The following CNTNAP5 variants were observed in gnomAD, a reference collection of about 807,000 sequenced individuals.
CNTNAP5 encodes the protein contactin associated protein family member 5, also known as contactin-associated protein-like 5.
In CNTNAP5, 72 loss-of-function variants were observed where a neutral mutation model predicts 150.2. The ratio of observed to expected loss-of-function variants is 0.48; its 90% CI spans 0.40 to 0.58. The LOEUF (loss-of-function observed/expected upper bound fraction) is 0.58, where lower values mean the gene tolerates loss of function less well. CNTNAP5 is among the 20% of genes least tolerant of loss of function. The pLI is 0.00. For synonymous variants in CNTNAP5, 672 were observed against 619.8 expected (o/e 1.08, Z -1.25); for missense variants, 1,636 against 1,626.2 (o/e 1.01, Z -0.10).
At chr2:124,403,137 G>C (rs561498120) in intron 3 of CNTNAP5, among the ~76,000 whole-genome samples, 65 of 152,290 alleles carry the variant, frequency 4.3e-4, no homozygotes, top group South Asian at 4.1e-4. Context: ...CTTCTGGGGG[G>C]ACATCCCTTT....
chr2:124,730,216 T>C (rs1324689348), intron 13 of CNTNAP5, among the ~76,000 whole-genome samples: 1 of 152,012 alleles, frequency 6.6e-6, no homozygotes, highest in African/African-American at 2.4e-5. Context: ...AAATCTTAGG[T>C]AAAAAATGTG....
intron 3 of CNTNAP5, among the ~76,000 whole-genome samples, chr2:124,281,772 C>T (rs1573888605): frequency 1.3e-5 from 2 of 152,216 alleles, no homozygotes; most frequent in African/African-American, 2.4e-5. Context: ...TGACCGACTA[C>T]GGAAGCCGGA....
chr2:124,194,416 T>TAA lies in CNTNAP5; in HGVS notation c.83-27287_83-27286dup, dbSNP rs1311780244. ...ATATATATATATATATATATAAATATAAATAGGTGTGCTGTATGTTCAGGT... is the reference window on the plus strand; with the variant it reads ...ATATATATATATATATATATAAATATAAAAATAGGTGTGCTGTATGTTCAGGT... On this transcript the variant is annotated intron_variant, in intron 1 of 23. Coordinates refer to ENST00000682447, the MANE Select transcript of CNTNAP5 (RefSeq NM_001367498.1). Among the ~76,000 whole-genome samples, 15 of 67,362 alleles carry TAA rather than the reference T, an allele frequency of 2.2e-4. No homozygotes were observed. The East Asian group carries it at 4.2e-3, about 19-fold the overall frequency. The allele number at this position is 67,362 out of a possible 152,430, so 44.2% of individuals were successfully genotyped here. A position where few individuals can be genotyped will look rare whatever the true frequency, so the allele number is the denominator to read the frequency against.
chr2:124,618,809 G>A (rs947637140), intron 12 of CNTNAP5, among the ~76,000 whole-genome samples: 2 of 152,136 alleles, frequency 1.3e-5, no homozygotes, highest in Admixed American at 6.5e-5. Context: ...AAGGATGGTG[G>A]TGAGGGTAGG....
intron 11 of CNTNAP5, among the ~76,000 whole-genome samples, chr2:124,599,407 T>G (rs1358574099): frequency 6.6e-6 from 1 of 152,196 alleles, no homozygotes; most frequent in Non-Finnish European, 1.5e-5. Context: ...ATTTTTTGGA[T>G]TAAACATTCC....
In CNTNAP5 at chr2:124,527,384, T is replaced by C; in HGVS notation, c.1577T>C (p.Leu526Pro). 1 of 1,613,636 alleles carries C rather than the reference T, an allele frequency of 6.2e-7. No homozygotes were observed. The highest frequency in any genetic ancestry group is 8.5e-7 in the Non-Finnish European group (1 of 1,179,584). ...LIFIDNQPKD[L>P]ISVQQGSLGN... ...TTTATTGATAACCAGCCCAAGGACC[T>C]CATTTCAGTTCAGCAAGGTTCCCTG... is the stretch of plus-strand genomic sequence containing the variant. The change falls in exon 10 of 24, where the codon CTC becomes CCC. Residue 526 changes from leucine to proline, a missense_variant. Coordinates refer to ENST00000682447, the MANE Select transcript of CNTNAP5 (RefSeq NM_001367498.1).
chr2:124,243,824 AG>A lies in CNTNAP5; in HGVS notation c.381+1432del, dbSNP rs201933170. 2.9e-3 allele frequency among the ~76,000 whole-genome samples: 435 copies of A among 151,738 alleles called. 1 individual carries two copies. Among genetic ancestry groups the A allele is most frequent in the South Asian group, 0.025 (118 of 4,774 alleles). On this transcript the variant is annotated intron_variant, in intron 3 of 23. Transcript: ENST00000682447. ...TTGAACCTAAAATAAAAGTTGAAAAAGAAAAAAAATTGTATTTTGGGGACTA... is the reference window on the plus strand; with the variant it reads ...TTGAACCTAAAATAAAAGTTGAAAAAAAAAAAAATTGTATTTTGGGGACTA...
intron 3 of CNTNAP5, among the ~76,000 whole-genome samples, chr2:124,391,417 G>C (rs1416198619): frequency 6.6e-6 from 1 of 152,114 alleles, no homozygotes; most frequent in Non-Finnish European, 1.5e-5. Context: ...GTGATGTTTT[G>C]ACCTGTTCAT....
At chr2:124,599,708 T>C (rs886185304) in intron 11 of CNTNAP5, among the ~76,000 whole-genome samples, 2 of 152,180 alleles carry the variant, frequency 1.3e-5, no homozygotes, top group Admixed American at 6.5e-5. Flanking sequence ...ACAATCTTAC[T>C]CTATTATCTC....
At chr2:124,356,154 A>G (rs894432441) in intron 3 of CNTNAP5, among the ~76,000 whole-genome samples, 1 of 152,176 alleles carries the variant, frequency 6.6e-6, no homozygotes, top group Non-Finnish European at 1.5e-5. Context: ...CAAATCTTAT[A>G]AAAATATGAT....
At chr2:124,228,898 A>C (rs184920948) in intron 2 of CNTNAP5, among the ~76,000 whole-genome samples, 92 of 152,258 alleles carry the variant, frequency 6.0e-4, no homozygotes, top group Middle Eastern at 3.4e-3. Flanking sequence ...AAAGGATAGA[A>C]TGTCCTCAAT....
At chr2:124,651,586 T>G (rs1678323702) in intron 13 of CNTNAP5, among the ~76,000 whole-genome samples, 1 of 152,220 alleles carries the variant, frequency 6.6e-6, no homozygotes, top group Non-Finnish European at 1.5e-5. Flanking sequence ...GATCTAACTC[T>G]TGCAACCAAA....
At chr2:124,075,855 G>A (rs1378500254) in intron 1 of CNTNAP5, among the ~76,000 whole-genome samples, 1 of 152,082 alleles carries the variant, frequency 6.6e-6, no homozygotes, top group Non-Finnish European at 1.5e-5. Context: ...AGCAAAGTTT[G>A]TACTTTATGC....
At chr2:124,451,077 T>TATATATATATATATAC (rs755084840) in intron 6 of CNTNAP5, among the ~76,000 whole-genome samples, 1 of 61,534 alleles carries the variant, frequency 1.6e-5, no homozygotes, top group African/African-American at 7.2e-5. Flanking sequence ...TATATATATA[T>TATATATATATATATAC]ACACACACAC....
intron 10 of CNTNAP5, among the ~76,000 whole-genome samples, chr2:124,540,653 A>C (rs962134053): frequency 2.6e-5 from 4 of 151,306 alleles, no homozygotes; most frequent in African/African-American, 9.7e-5. Context: ...TGGATCAGGA[A>C]TCTGCTTTTT....
chr2:124,293,755 AC>A lies in CNTNAP5; in HGVS notation c.381+51364del, dbSNP rs1350617676. 7.2e-5 allele frequency among the ~76,000 whole-genome samples: 11 copies of A among 152,254 alleles called. No individual in the cohort carries two copies. The South Asian group carries it at 1.9e-3, about 26-fold the overall frequency. On this transcript the variant is annotated intron_variant, in intron 3 of 23. Coordinates refer to ENST00000682447, the MANE Select transcript of CNTNAP5 (RefSeq NM_001367498.1). ...CTGAAATGCATACACCGAGATAATC[AC>A]CATAATCCTCTACAATTGTCCTAGT...
At chr2:124,606,368 TA>T (rs10717686) in intron 11 of CNTNAP5, among the ~76,000 whole-genome samples, 26,555 of 148,904 alleles carry the variant, frequency 0.18, 3,948 homozygotes, top group African/African-American at 0.41. Flanking sequence ...CTTGTAAAAG[TA>T]AAAAAAAAAT....
chr2:124,177,643 A>G (rs1025307860), intron 1 of CNTNAP5, among the ~76,000 whole-genome samples: 1 of 152,280 alleles, frequency 6.6e-6, no homozygotes, highest in East Asian at 1.9e-4. Context: ...CATGTTTTAG[A>G]TATTTTTAAT....
At chr2:124,706,170 C>T (rs77791189) in intron 13 of CNTNAP5, among the ~76,000 whole-genome samples, 3,656 of 152,132 alleles carry the variant, frequency 0.024, 64 homozygotes, top group Middle Eastern at 0.041. Context: ...ACCCAAAAGA[C>T]GAGTGTTCCC....
Sources: allele counts gnomAD v4.1 joint callset (sites outside exome capture counted in the v4.1 genomes callset), GRCh38; gene constraint gnomAD v4.1.1; transcripts MANE v1.5; gene names NCBI Gene and HGNC (gene_info 2026-07-23, HGNC 2026-07-21).